Variants in APBA1 observed in about 807,000 individuals in gnomAD.
APBA1 encodes amyloid-beta A4 precursor protein-binding family A member 1.
APBA1 carries 55 observed loss-of-function variants against 86.6 expected under a neutral mutation model. That is an observed-to-expected ratio of 0.64 (90% CI 0.51 to 0.80). APBA1 has a LOEUF of 0.80. Among genes scored for constraint, APBA1 ranks in the 30% least tolerant of loss-of-function variants. The probability of loss-of-function intolerance (pLI) is 0.00; values close to 1 mark genes in which losing one functional copy is unlikely to be tolerated. For missense variants in APBA1, 1,090 were observed against 1,183.0 expected (o/e 0.92, Z 1.15); for synonymous variants, 511 against 493.9 (o/e 1.03, Z -0.46).
At chr9:69,547,488 CT>C (rs368163686) in intron 1 of APBA1, among the ~76,000 whole-genome samples, 153 of 152,290 alleles carry the variant, frequency 1.0e-3, no homozygotes, top group African/African-American at 3.7e-3. Context: ...CTGACCACCC[CT>C]AGCTGCAAGG....
At chr9:69,552,673 T>C (rs1836804870) in intron 1 of APBA1, among the ~76,000 whole-genome samples, 3 of 152,240 alleles carry the variant, frequency 2.0e-5, no homozygotes, top group Admixed American at 1.3e-4. Flanking sequence ...CTGTTTATTC[T>C]GTTTCAGAGC....
intron 2 of APBA1, among the ~76,000 whole-genome samples, chr9:69,494,959 A>T (rs1288370712): frequency 6.6e-6 from 1 of 152,212 alleles, no homozygotes; most frequent in African/African-American, 2.4e-5. Flanking sequence ...TTTCATTAGC[A>T]TCACAGAAGC....
intron 1 of APBA1, among the ~76,000 whole-genome samples, chr9:69,619,612 T>A (rs541441775): frequency 7.7e-4 from 117 of 152,218 alleles, no homozygotes; most frequent in African/African-American, 2.7e-3. Context: ...ACACAAAAAA[T>A]CAGTTATTCA....
At chr9:69,651,285 T>A (rs1379261017) in intron 1 of APBA1, among the ~76,000 whole-genome samples, 1 of 152,174 alleles carries the variant, frequency 6.6e-6, no homozygotes, top group East Asian at 1.9e-4. Flanking sequence ...GGAGGGAGCG[T>A]GAGAGGATCT....
rs566058186 is a variant in APBA1, at chr9:69,552,460, A to C, written c.-69-35181T>G. Among the ~76,000 whole-genome samples the C allele has an allele frequency of 4.6e-5, 7 of 152,360 alleles. No homozygotes were observed. The East Asian group carries it at 1.4e-3, about 29-fold the overall frequency. On this transcript the variant is annotated intron_variant, in intron 1 of 12. Transcript: ENST00000265381. Reference sequence around the variant, plus strand: ...ACTCACATTCATCTCTAAGTAACTTATTCCCCCACTACCCCCATGGAGGAT... The same window carrying C: ...ACTCACATTCATCTCTAAGTAACTTCTTCCCCCACTACCCCCATGGAGGAT...
intron 11 of APBA1, 41 bp downstream of exon 11, chr9:69,440,955 G>C (rs765439485): frequency 6.3e-7 from 1 of 1,597,924 alleles, no homozygotes; most frequent in South Asian, 1.1e-5. Flanking sequence ...ATTTTTATTT[G>C]TCAACATTGT....
At chr9:69,574,682 G>A (rs78270824) in intron 1 of APBA1, among the ~76,000 whole-genome samples, 3,814 of 152,198 alleles carry the variant, frequency 0.025, 179 homozygotes, top group African/African-American at 0.087. Flanking sequence ...TTTACAAGTA[G>A]TTTTTTGAAA....
chr9:69,672,035 T>C (rs1823960426), intron 1 of APBA1, 118 bp downstream of exon 1: 1 of 153,012 alleles, frequency 6.5e-6, no homozygotes, highest in African/African-American at 2.4e-5. Flanking sequence ...CTCCGCACTA[T>C]TGTTCCAGGC....
Position 69,516,790 on chromosome 9 carries a change from T to C in APBA1, c.421A>G (p.Thr141Ala), listed in dbSNP as rs757278417. 1.9e-6 allele frequency: 3 copies of C among 1,610,278 alleles called. No individual in the cohort carries two copies. The highest frequency in any genetic ancestry group is 1.7e-6 in the Non-Finnish European group (2 of 1,179,448). Residue 141 changes from threonine (T) to alanine (A), a missense_variant, in exon 2 of 13, where the codon ACG becomes GCG. Thr to Ala is a moderately conservative substitution (Grantham distance 58). Transcript: ENST00000265381. The surrounding 1 kb of genome is among the most constrained non-coding windows in gnomAD (Gnocchi z 7.3). ...TGGTTGGGCAGCGCGCGGCGGTGCG[T>C]GGCCTCGGCGTGCTCGGCCTCTGCC... ...EQAEAEHAEA[T>A]HRRALPNHLH...
At chr9:69,503,852 T>C (rs1304083788) in intron 2 of APBA1, among the ~76,000 whole-genome samples, 1 of 152,100 alleles carries the variant, frequency 6.6e-6, no homozygotes, top group African/African-American at 2.4e-5. Flanking sequence ...TCCTTTCCTG[T>C]CACCTGGAGA....
At chr9:69,434,478 G>T (rs1405513973) in intron 11 of APBA1, among the ~76,000 whole-genome samples, 1 of 152,074 alleles carries the variant, frequency 6.6e-6, no homozygotes, top group East Asian at 1.9e-4. Context: ...GGAGGCAGAG[G>T]CAGGTGGATC....
intron 1 of APBA1, among the ~76,000 whole-genome samples, chr9:69,621,279 T>G (rs879730569): frequency 5.3e-5 from 8 of 152,168 alleles, no homozygotes; most frequent in Admixed American, 2.0e-4. Context: ...TCATGTAAGA[T>G]TACGTGAATT....
At chr9:69,435,196 G>A (rs368627016) in intron 11 of APBA1, among the ~76,000 whole-genome samples, 1 of 151,954 alleles carries the variant, frequency 6.6e-6, no homozygotes, top group East Asian at 1.9e-4. Flanking sequence ...GTCTATCATT[G>A]TTGGACATTT....
chr9:69,439,995 T>TAAGGAAAA (rs1834783608), intron 11 of APBA1, among the ~76,000 whole-genome samples: 1 of 152,210 alleles, frequency 6.6e-6, no homozygotes, highest in African/African-American at 2.4e-5. Context: ...TAGTTTTCCT[T>TAAGGAAAA]CTAACAGTCA....
In APBA1 at chr9:69,447,249, T is replaced by G. The variant is rs1262816463; in HGVS notation, c.2181+2335A>C. ...AATATGTATTTGGAGGGAACACAAA[T>G]ATTACTCAATACTTTACTTAACCCC... On this transcript the variant is annotated intron_variant, in intron 10 of 12. Coordinates refer to ENST00000265381, the MANE Select transcript of APBA1 (RefSeq NM_001163.4). 1.3e-5 allele frequency among the ~76,000 whole-genome samples: 2 copies of G among 152,114 alleles called. 1 individual carries two copies.
chr9:69,658,493 C>G (rs1421659965), intron 1 of APBA1, among the ~76,000 whole-genome samples: 2 of 151,372 alleles, frequency 1.3e-5, no homozygotes, highest in African/African-American at 4.9e-5. Context: ...ACCTCCACCT[C>G]CTGGGTTCAA....
chr9:69,567,502 C>T (rs190352588), intron 1 of APBA1, among the ~76,000 whole-genome samples: 274 of 152,102 alleles, frequency 1.8e-3, no homozygotes, highest in Non-Finnish European at 3.4e-3. Flanking sequence ...TATACATGTG[C>T]CATGTTGGTG....
chr9:69,662,996 T>C (rs1823781035), intron 1 of APBA1, among the ~76,000 whole-genome samples: 1 of 152,228 alleles, frequency 6.6e-6, no homozygotes, highest in South Asian at 2.1e-4. Context: ...TATCCAAATA[T>C]GCTAACAATT....
intron 2 of APBA1, among the ~76,000 whole-genome samples, chr9:69,512,950 G>T (rs949101133): frequency 1.2e-4 from 18 of 151,172 alleles, no homozygotes; most frequent in African/African-American, 4.4e-4. Context: ...TGCTGAGATG[G>T]AAATCAACAG....
Sources: gnomAD v4.1 joint callset for allele counts (sites outside exome capture counted in the v4.1 genomes callset) on GRCh38, gnomAD v4.1.1 for gene constraint, Gnocchi (gnomAD v3.1) non-coding constraint, MANE v1.5 for transcripts, NCBI Gene and HGNC (gene_info 2026-07-23, HGNC 2026-07-21) for gene names.